Variants in MAN1C1 observed in about 807,000 individuals in gnomAD.
MAN1C1 encodes the protein mannosyl-oligosaccharide 1,2-alpha-mannosidase IC.
MAN1C1 carries 49 observed loss-of-function variants against 71.5 expected under a neutral mutation model. The ratio of observed to expected loss-of-function variants is 0.69; its 90% CI spans 0.54 to 0.87. The LOEUF (loss-of-function observed/expected upper bound fraction) is 0.87. Among genes scored for constraint, MAN1C1 ranks in the 40% least tolerant of loss-of-function variants. The pLI is 0.00. For missense variants in MAN1C1, 743 were observed against 835.0 expected (o/e 0.89, Z 1.36); for synonymous variants, 352 against 343.7 (o/e 1.02, Z -0.27).
chr1:25,629,169 A>G (rs996993643), intron 1 of MAN1C1, among the ~76,000 whole-genome samples: 3 of 152,236 alleles, frequency 2.0e-5, no homozygotes, highest in African/African-American at 7.2e-5. Context: ...AGGAATCTCC[A>G]TACTGTTTTC....
chr1:25,638,041 A>T (rs942602045), intron 1 of MAN1C1, among the ~76,000 whole-genome samples: 4 of 152,014 alleles, frequency 2.6e-5, no homozygotes, highest in Non-Finnish European at 5.9e-5. Flanking sequence ...TATTTAATGT[A>T]TTATTTATAT....
Position 25,764,424 on chromosome 1 carries a change from T to C in MAN1C1, c.1141+457T>C, listed in dbSNP as rs1035963436. On this transcript the variant is annotated intron_variant, in intron 7 of 11. Coordinates refer to ENST00000374332, the MANE Select transcript of MAN1C1 (RefSeq NM_020379.4). The surrounding 1 kb of genome is among the most constrained non-coding windows in gnomAD (Gnocchi z 4.4). ...CAACTTCAATTTTTTTTTGTTTTTT[T>C]GTTTTTGAGACAGAGTCTCACTCTG... Among the ~76,000 whole-genome samples the C allele has an allele frequency of 2.1e-4, 32 of 152,172 alleles. No homozygotes were observed. Among genetic ancestry groups the C allele is most frequent in the African/African-American group, 7.0e-4 (29 of 41,498 alleles).
At position 25,618,277 on chromosome 1, in the gene MAN1C1, G is replaced by A; in HGVS notation, c.480G>A (p.Arg160=). 1 of 1,604,532 alleles carries A rather than the reference G, an allele frequency of 6.2e-7. No homozygotes were observed. Among genetic ancestry groups the A allele is most frequent in the Non-Finnish European group, 8.5e-7 (1 of 1,177,240 alleles). The change falls in exon 1 of 12, where the codon AGG becomes AGA. Residue 160 remains arginine (R), a synonymous_variant. Coordinates refer to ENST00000374332, the MANE Select transcript of MAN1C1 (RefSeq NM_020379.4). ...SRLRHPVLGT[R]ADESQEPQSQ... The stretch of plus-strand genomic sequence containing the variant: ...TCCGCCACCCGGTCCTGGGAACGAG[G>A]GCCGATGAGAGTCAGGAGCCCCAGA...
chr1:25,734,514 A>G (rs2046954472), intron 2 of MAN1C1, among the ~76,000 whole-genome samples: 1 of 152,260 alleles, frequency 6.6e-6, no homozygotes, highest in Non-Finnish European at 1.5e-5. Flanking sequence ...CTGATAAGGA[A>G]GGGTTGGCTG....
At chr1:25,647,680 T>C (rs1015217788) in intron 1 of MAN1C1, among the ~76,000 whole-genome samples, 18 of 152,108 alleles carry the variant, frequency 1.2e-4, no homozygotes, top group African/African-American at 4.3e-4. Flanking sequence ...TTTGGCTGCT[T>C]TTATTTGCTC....
At position 25,730,996 on chromosome 1, in the gene MAN1C1, T is replaced by G. The variant is rs544299024; in HGVS notation, c.638-15672T>G. 3.9e-5 allele frequency among the ~76,000 whole-genome samples: 6 copies of G among 152,296 alleles called. No individual in the cohort carries two copies. The highest frequency in any genetic ancestry group is 1.4e-4 in the African/African-American group (6 of 41,566). ...ACATGGTTTGACCACAAGCCTGTGC[T>G]TCCCCCACAATCGCTGCTGCTTTAA... On this transcript the variant is annotated intron_variant, in intron 2 of 11. Transcript: ENST00000374332. The surrounding 1 kb of genome is among the most constrained non-coding windows in gnomAD (Gnocchi z 4.3).
intron 2 of MAN1C1, among the ~76,000 whole-genome samples, chr1:25,705,841 G>T (rs1213795191): frequency 6.6e-6 from 1 of 152,204 alleles, no homozygotes; most frequent in African/African-American, 2.4e-5. Flanking sequence ...TATTCAAGAG[G>T]CTAAGGTGGA....
chr1:25,632,865 A>ATTTTTTTTTTTTTTTTTTTTTTTTTTGT (rs33924292), intron 1 of MAN1C1, among the ~76,000 whole-genome samples: 1 of 113,102 alleles, frequency 8.8e-6, no homozygotes. Context: ...TACAATTTTG[A>ATTTTTTTTTTTTTTTTTTTTTTTTTTGT]TTTTTTTTTT....
chr1:25,684,050 G>A (rs2046193496), intron 1 of MAN1C1, among the ~76,000 whole-genome samples: 1 of 152,122 alleles, frequency 6.6e-6, no homozygotes. Flanking sequence ...TATGATTCTC[G>A]TAGTTACTCT....
intron 2 of MAN1C1, among the ~76,000 whole-genome samples, chr1:25,720,806 A>G (rs903820263): frequency 3.9e-5 from 6 of 152,054 alleles, no homozygotes; most frequent in Admixed American, 3.3e-4. Context: ...AGTTTTAGCT[A>G]TTACTTTTAG....
At chr1:25,662,774 T>C (rs190212500) in intron 1 of MAN1C1, among the ~76,000 whole-genome samples, 115 of 151,772 alleles carry the variant, frequency 7.6e-4, no homozygotes, top group African/African-American at 2.5e-3. Context: ...TTAAAAAATA[T>C]ATTTAGGCCG....
chr1:25,780,689 G>A, intron 9 of MAN1C1: 2 of 429,576 alleles, frequency 4.7e-6, no homozygotes, highest in East Asian at 4.0e-5. Context: ...AGCTCATTTG[G>A]ACTCTCAGAG....
At chr1:25,671,802 C>T (rs534614244) in intron 1 of MAN1C1, among the ~76,000 whole-genome samples, 2 of 152,350 alleles carry the variant, frequency 1.3e-5, no homozygotes, top group African/African-American at 4.8e-5. Flanking sequence ...GGGTCTGAAA[C>T]AGGTCTCACT....
At chr1:25,676,765 CT>C (rs1484383893) in intron 1 of MAN1C1, among the ~76,000 whole-genome samples, 5 of 152,202 alleles carry the variant, frequency 3.3e-5, no homozygotes, top group Non-Finnish European at 7.3e-5. Context: ...AATGTAGCAA[CT>C]GTGGTTCTGG....
intron 2 of MAN1C1, among the ~76,000 whole-genome samples, chr1:25,731,755 C>G (rs2046912598): frequency 6.6e-6 from 1 of 152,190 alleles, no homozygotes; most frequent in Non-Finnish European, 1.5e-5. Context: ...GGAGTGTGGG[C>G]TGGTCTCCTC....
chr1:25,689,898 T>TGCAGGGCTG (rs1335726679), intron 2 of MAN1C1, among the ~76,000 whole-genome samples: 5 of 152,166 alleles, frequency 3.3e-5, no homozygotes, highest in African/African-American at 1.2e-4. Flanking sequence ...GTCCCTGGCC[T>TGCAGGGCTG]GCAGGGCTGG....
intron 2 of MAN1C1, among the ~76,000 whole-genome samples, chr1:25,701,491 G>T (rs955054907): frequency 2.0e-5 from 3 of 152,216 alleles, no homozygotes; most frequent in Non-Finnish European, 2.9e-5. Context: ...GTGTGCAGCA[G>T]GTCACAGCCA....
intron 5 of MAN1C1, among the ~76,000 whole-genome samples, chr1:25,757,246 G>T (rs1232434603): frequency 6.6e-6 from 1 of 152,206 alleles, no homozygotes; most frequent in Non-Finnish European, 1.5e-5. Context: ...TGGAGATGGA[G>T]GGGCAGACAG....
chr1:25,706,849 G>C (rs2046530819), intron 2 of MAN1C1, among the ~76,000 whole-genome samples: 1 of 152,156 alleles, frequency 6.6e-6, no homozygotes, highest in Non-Finnish European at 1.5e-5. Flanking sequence ...CTGTCCTTTG[G>C]GGATAATCAG....
Sources: allele counts gnomAD v4.1 joint callset (sites outside exome capture counted in the v4.1 genomes callset), GRCh38; gene constraint gnomAD v4.1.1; non-coding constraint Gnocchi (gnomAD v3.1); transcripts MANE v1.5; gene names NCBI Gene and HGNC (gene_info 2026-07-23, HGNC 2026-07-21).